Variants in SLC9A9 observed in about 807,000 individuals in gnomAD.
SLC9A9 encodes solute carrier family 9 member A9.
SLC9A9 carries 62 observed loss-of-function variants against 77.8 expected under a neutral mutation model. That is an observed-to-expected ratio of 0.80 (90% CI 0.65 to 0.98). The LOEUF (loss-of-function observed/expected upper bound fraction) is 0.98. Among genes scored for constraint, SLC9A9 ranks in the 50% least tolerant of loss-of-function variants. The probability of loss-of-function intolerance (pLI) is 0.00; values close to 1 mark genes in which losing one functional copy is unlikely to be tolerated. For synonymous variants in SLC9A9, 320 were observed against 283.5 expected, an observed-to-expected ratio of 1.13 and a Z score of -1.29; for missense variants, 775 against 774.9, an observed-to-expected ratio of 1.00 and a Z score of 0.00.
chr3:143,703,802 G>T (rs1164002947), intron 4 of SLC9A9, among the ~76,000 whole-genome samples: 4 of 151,802 alleles, frequency 2.6e-5, no homozygotes, highest in African/African-American at 9.7e-5. Flanking sequence ...TCCAAGAATG[G>T]GCAAATATTT....
At chr3:143,595,556 GTC>G (rs2037738754) in intron 6 of SLC9A9, among the ~76,000 whole-genome samples, 1 of 152,118 alleles carries the variant, frequency 6.6e-6, no homozygotes, top group Non-Finnish European at 1.5e-5. Flanking sequence ...TTCCTCTTGA[GTC>G]TCTCAATTAA....
At chr3:143,648,688 A>T (rs964978570) in intron 6 of SLC9A9, among the ~76,000 whole-genome samples, 8 of 152,190 alleles carry the variant, frequency 5.3e-5, no homozygotes, top group African/African-American at 1.9e-4. Context: ...TGTGCTTCCA[A>T]TGAAGCTGAT....
chr3:143,396,666 G>C (rs1051094166), intron 12 of SLC9A9, among the ~76,000 whole-genome samples: 5 of 152,140 alleles, frequency 3.3e-5, no homozygotes, highest in African/African-American at 1.2e-4. Flanking sequence ...AGTAGCTGTT[G>C]TTCTTGTTGT....
chr3:143,578,575 C>A lies in SLC9A9; in HGVS notation c.894+10G>T, dbSNP rs773064940. ...ACAGTCCCAGCTTTCCACATACAGA[C>A]AAAGGATATCAGTGCTGTGATGATG... On this transcript the variant is annotated intron_variant, in intron 7 of 15. Transcript: ENST00000316549. 3.7e-6 allele frequency: 6 copies of A among 1,613,658 alleles called. No homozygotes were observed. Among genetic ancestry groups the A allele is most frequent in the Non-Finnish European group, 5.1e-6 (6 of 1,179,784 alleles).
chr3:143,644,985 G>A (rs1313712906), intron 6 of SLC9A9, among the ~76,000 whole-genome samples: 1 of 152,192 alleles, frequency 6.6e-6, no homozygotes, highest in Non-Finnish European at 1.5e-5. Context: ...AAAGGGGACA[G>A]CTTCTTATCA....
In SLC9A9 at chr3:143,555,384, T is replaced by A. The variant is rs1053110780; in HGVS notation, c.1001-2934A>T. Among the ~76,000 whole-genome samples, 20 of 152,318 alleles carry A rather than the reference T, an allele frequency of 1.3e-4. No individual in the cohort carries two copies. In the East Asian group the frequency reaches 1.5e-3, roughly 12 times the overall value. The stretch of plus-strand genomic sequence containing the variant: ...AGCATGAAAATAGACGAATACACTG[T>A]AACACAAGGCAAAGCTCATTGAAGA... On this transcript the variant is annotated intron_variant, in intron 8 of 15. Coordinates refer to ENST00000316549, the MANE Select transcript of SLC9A9 (RefSeq NM_173653.4).
chr3:143,531,763 A>G (rs1329915662), intron 9 of SLC9A9, among the ~76,000 whole-genome samples: 1 of 152,252 alleles, frequency 6.6e-6, no homozygotes, highest in Non-Finnish European at 1.5e-5. Context: ...CAAAACAATA[A>G]GGTAAAAAGT....
At chr3:143,758,753 A>G (rs1303480405) in intron 4 of SLC9A9, among the ~76,000 whole-genome samples, 2 of 152,056 alleles carry the variant, frequency 1.3e-5, no homozygotes, top group Non-Finnish European at 2.9e-5. Flanking sequence ...GGCTGAGGGG[A>G]ACGTGAGGGA....
chr3:143,722,170 C>G (rs1180169052), intron 4 of SLC9A9, among the ~76,000 whole-genome samples: 1 of 152,056 alleles, frequency 6.6e-6, no homozygotes, highest in East Asian at 1.9e-4. Context: ...AGTTTTTTTG[C>G]AGGTTAAAAT....
chr3:143,795,297 A>ACAAG (rs1389262990), intron 3 of SLC9A9, among the ~76,000 whole-genome samples: 2 of 150,560 alleles, frequency 1.3e-5, no homozygotes, highest in Non-Finnish European at 3.0e-5. Context: ...AAAAAAAAAA[A>ACAAG]AAACCCACTG....
intron 5 of SLC9A9, among the ~76,000 whole-genome samples, chr3:143,673,645 T>C (rs1369974859): frequency 1.3e-5 from 2 of 151,862 alleles, no homozygotes; most frequent in Non-Finnish European, 2.9e-5. Flanking sequence ...ATAATATTAA[T>C]AATATTGATT....
At chr3:143,375,985 C>G (rs1007238904) in intron 13 of SLC9A9, among the ~76,000 whole-genome samples, 3 of 152,118 alleles carry the variant, frequency 2.0e-5, no homozygotes, top group Admixed American at 2.0e-4. Flanking sequence ...GAGCTAAAGA[C>G]TGGCTGGCAA....
chr3:143,450,024 A>AAT (rs753493532), intron 12 of SLC9A9, among the ~76,000 whole-genome samples: 1 of 109,708 alleles, frequency 9.1e-6, no homozygotes, highest in African/African-American at 3.7e-5. Context: ...ATATACATAT[A>AAT]ATATATATAC....
chr3:143,296,795 C>A (rs1485382845), intron 14 of SLC9A9, among the ~76,000 whole-genome samples: 1 of 152,110 alleles, frequency 6.6e-6, no homozygotes, highest in Non-Finnish European at 1.5e-5. Context: ...TGATGTTGAG[C>A]ATTTTTTTTA....
chr3:143,581,422 C>A (rs1404259312), intron 6 of SLC9A9, among the ~76,000 whole-genome samples: 1 of 152,112 alleles, frequency 6.6e-6, no homozygotes, highest in African/African-American at 2.4e-5. Context: ...TATAATAGCT[C>A]TGTGAAGTAA....
At chr3:143,561,040 G>T (rs967930377) in intron 8 of SLC9A9, among the ~76,000 whole-genome samples, 3 of 152,090 alleles carry the variant, frequency 2.0e-5, no homozygotes, top group Non-Finnish European at 4.4e-5. Flanking sequence ...AATTAGCCGG[G>T]CGTGGTGGTG....
At chr3:143,666,951 T>C (rs2039079552) in intron 5 of SLC9A9, among the ~76,000 whole-genome samples, 1 of 152,318 alleles carries the variant, frequency 6.6e-6, no homozygotes, top group East Asian at 1.9e-4. Context: ...AAGCTACCAA[T>C]GACTTTCTTC....
chr3:143,456,772 C>T (rs1203582922), intron 12 of SLC9A9, among the ~76,000 whole-genome samples: 1 of 151,988 alleles, frequency 6.6e-6, no homozygotes, highest in Non-Finnish European at 1.5e-5. Context: ...ACCATCTTGG[C>T]CAGGCTGGTC....
At chr3:143,707,079 T>A (rs1253068944) in intron 4 of SLC9A9, among the ~76,000 whole-genome samples, 2 of 152,182 alleles carry the variant, frequency 1.3e-5, no homozygotes, top group Non-Finnish European at 2.9e-5. Flanking sequence ...TGGGAAATTC[T>A]GTGCCAGGAC....
Sources: gnomAD v4.1 joint callset for allele counts (sites outside exome capture counted in the v4.1 genomes callset) on GRCh38, gnomAD v4.1.1 for gene constraint, MANE v1.5 for transcripts, NCBI Gene and HGNC (gene_info 2026-07-23, HGNC 2026-07-21) for gene names.